The following MACROD2 variants were observed in gnomAD, a reference collection of about 807,000 sequenced individuals.
MACROD2 encodes the protein mono-ADP ribosylhydrolase 2.
MACROD2 carries 36 observed loss-of-function variants against 70.4 expected under a neutral mutation model. The observed-to-expected ratio is 0.51, with a 90% CI of 0.39 to 0.68. The LOEUF is 0.68. Among genes scored for constraint, MACROD2 ranks in the 30% least tolerant of loss-of-function variants. The probability of loss-of-function intolerance (pLI) is 0.00; values close to 1 mark genes in which losing one functional copy is unlikely to be tolerated. For missense variants in MACROD2, 496 were observed against 538.4 expected (o/e 0.92, Z 0.78); for synonymous variants, 172 against 178.8 (o/e 0.96, Z 0.30).
intron 2 of MACROD2, among the ~76,000 whole-genome samples, chr20:14,081,817 C>G (rs1215930032): frequency 6.6e-6 from 1 of 152,122 alleles, no homozygotes; most frequent in Non-Finnish European, 1.5e-5. Context: ...AAGCTGTAGC[C>G]TTTAAGTATG....
chr20:14,276,496 A>C, intron 3 of MACROD2, among the ~76,000 whole-genome samples: 1 of 84,876 alleles, frequency 1.2e-5, no homozygotes, highest in African/African-American at 4.8e-5. Context: ...GGGAGGGGGG[A>C]GGGATAGCAT....
At chr20:15,825,458 A>G (rs1370272335) in intron 8 of MACROD2, among the ~76,000 whole-genome samples, 1 of 150,722 alleles carries the variant, frequency 6.6e-6, no homozygotes, top group African/African-American at 2.4e-5. Context: ...AACTCAGTCC[A>G]CCCATCCAAT....
chr20:14,928,555 G>T (rs1228626209), intron 5 of MACROD2, among the ~76,000 whole-genome samples: 1 of 152,108 alleles, frequency 6.6e-6, no homozygotes, highest in Non-Finnish European at 1.5e-5. Context: ...TTACATAGCT[G>T]GTTAATATCA....
chr20:15,029,523 G>A (rs867859478), intron 5 of MACROD2, among the ~76,000 whole-genome samples: 4 of 152,128 alleles, frequency 2.6e-5, no homozygotes, highest in Non-Finnish European at 4.4e-5. Flanking sequence ...GGCTGATACT[G>A]CTAGTTTAGG....
chr20:15,502,951 G>C (rs539414504), intron 8 of MACROD2, among the ~76,000 whole-genome samples: 1 of 152,262 alleles, frequency 6.6e-6, no homozygotes, highest in Non-Finnish European at 1.5e-5. Flanking sequence ...TTCCCTTGTA[G>C]AAATGTTTCT....
chr20:15,768,923 C>T (rs1402683114), intron 8 of MACROD2, among the ~76,000 whole-genome samples: 1 of 152,190 alleles, frequency 6.6e-6, no homozygotes, highest in African/African-American at 2.4e-5. Flanking sequence ...CTATCTTCCA[C>T]CTCCACATCT....
chr20:15,987,243 A>G (rs983329915), intron 15 of MACROD2, 85 bp downstream of exon 15: 3 of 1,100,144 alleles, frequency 2.7e-6, no homozygotes, highest in Non-Finnish European at 2.7e-6. Context: ...AGTTATTCTC[A>G]TGCAATTACA....
chr20:15,634,580 C>T (rs1038894491), intron 8 of MACROD2, among the ~76,000 whole-genome samples: 1 of 152,140 alleles, frequency 6.6e-6, no homozygotes, highest in African/African-American at 2.4e-5. Flanking sequence ...TACCAGAAAC[C>T]CACGTTACTT....
chr20:14,954,744 T>TTATAAATATATAAATTATAAATA (rs1555855413), intron 5 of MACROD2, among the ~76,000 whole-genome samples: 5,722 of 104,910 alleles, frequency 0.055, 716 homozygotes, highest in African/African-American at 0.22. Flanking sequence ...AAATTATAAA[T>TTATAAATATATAAATTATAAATA]TATAAATATA....
intron 3 of MACROD2, among the ~76,000 whole-genome samples, chr20:14,180,430 G>T (rs1000760282): frequency 1.3e-5 from 2 of 152,020 alleles, no homozygotes; most frequent in Non-Finnish European, 2.9e-5. Flanking sequence ...CTGGCCACTT[G>T]GTTAAACTAG....
In MACROD2 at chr20:15,454,452, CA is replaced by C. The variant is rs1387451118; in HGVS notation, c.571+23018del. Among the ~76,000 whole-genome samples, 185 of 139,458 alleles carry C rather than the reference CA, an allele frequency of 1.3e-3. 1 individual carries two copies. Among genetic ancestry groups the C allele is most frequent in the African/African-American group, 4.1e-3 (156 of 38,138 alleles). The allele number at this position is 139,458 out of a possible 152,430, so 91.5% of individuals were successfully genotyped here. A position where few individuals can be genotyped will look rare whatever the true frequency, so the allele number is the denominator to read the frequency against. On this transcript the variant is annotated intron_variant, in intron 7 of 17. Transcript: ENST00000684519. ...ACACACACACACACACACACACACA[CA>C]CCCTTATTATACAACTTAGTTTCCG... is the stretch of plus-strand genomic sequence containing the variant.
At position 15,610,991 on chromosome 20, in the gene MACROD2, C is replaced by CTTTTTTTTTTTTTT. The variant is rs34495725; in HGVS notation, c.645+111156_645+111169dup. ...CTTTTTATGTCTTTTAGCCAAAAAT[C>CTTTTTTTTTTTTTT]TTTTTTTTTTTTTTTTTTTTTTTTT... On this transcript the variant is annotated intron_variant, in intron 8 of 17. Coordinates refer to ENST00000684519, the MANE Select transcript of MACROD2 (RefSeq NM_001351661.2). Among the ~76,000 whole-genome samples, 10 of 60,088 alleles carry CTTTTTTTTTTTTTT rather than the reference C, an allele frequency of 1.7e-4. 1 individual carries two copies. Among genetic ancestry groups the CTTTTTTTTTTTTTT allele is most frequent in the South Asian group, 1.8e-3 (2 of 1,118 alleles). 39.4% of individuals were successfully genotyped at this position (60,088 alleles called of 152,430 possible).
chr20:14,938,469 C>T (rs974901071), intron 5 of MACROD2, among the ~76,000 whole-genome samples: 13 of 152,012 alleles, frequency 8.6e-5, no homozygotes, highest in African/African-American at 3.1e-4. Context: ...GAAAAGTGCT[C>T]GATTGTGACC....
At chr20:15,021,610 T>C (rs565852860) in intron 5 of MACROD2, 35 of 151,992 alleles carry the variant, frequency 2.3e-4, no homozygotes, top group Non-Finnish European at 3.8e-4. Context: ...GCCATGCTAA[T>C]ATTCTCTGTA....
chr20:14,728,769 A>G (rs2071559628), intron 5 of MACROD2, among the ~76,000 whole-genome samples: 1 of 152,210 alleles, frequency 6.6e-6, no homozygotes, highest in Non-Finnish European at 1.5e-5. Context: ...TGAGAAACAA[A>G]TTAGTTGATA....
intron 2 of MACROD2, among the ~76,000 whole-genome samples, chr20:14,015,826 G>A (rs576268806): frequency 9.9e-5 from 15 of 152,248 alleles, no homozygotes; most frequent in East Asian, 7.7e-4. Flanking sequence ...TTTTAAGGCC[G>A]AATATTATTA....
chr20:15,286,971 AG>A (rs2077497646), intron 6 of MACROD2, among the ~76,000 whole-genome samples: 1 of 152,214 alleles, frequency 6.6e-6, no homozygotes, highest in African/African-American at 2.4e-5. Context: ...AGAAAAAAAA[AG>A]AGACGCTACA....
intron 8 of MACROD2, among the ~76,000 whole-genome samples, chr20:15,743,334 T>C (rs1263940216): frequency 1.3e-5 from 2 of 152,142 alleles, no homozygotes; most frequent in East Asian, 3.9e-4. Context: ...ATCAGAAGAA[T>C]TGAAAATCAA....
rs555508569 is a variant in MACROD2, at chr20:15,393,847, C to A, written c.541-37558C>A. ...CTCTCTCTCTGAGCATTGGCTATTA[C>A]GATTATCTCTGCAAGTCATATTTTC... is the stretch of plus-strand genomic sequence containing the variant. On this transcript the variant is annotated intron_variant, in intron 6 of 17. Coordinates refer to ENST00000684519, the MANE Select transcript of MACROD2 (RefSeq NM_001351661.2). Among the ~76,000 whole-genome samples, 4 of 152,240 alleles carry A rather than the reference C, an allele frequency of 2.6e-5. No individual in the cohort carries two copies. In the East Asian group the frequency reaches 5.8e-4, roughly 22 times the overall value.
Sources: allele counts gnomAD v4.1 joint callset (sites outside exome capture counted in the v4.1 genomes callset), GRCh38; gene constraint gnomAD v4.1.1; transcripts MANE v1.5; gene names NCBI Gene and HGNC (gene_info 2026-07-23, HGNC 2026-07-21).